TTC34: variants seen among roughly 807,000 people sequenced by gnomAD.
TTC34 encodes tetratricopeptide repeat domain 34, also known as tetratricopeptide repeat protein 34.
TTC34 carries 44 observed loss-of-function variants against 40.7 expected under a neutral mutation model. The ratio of observed to expected loss-of-function variants is 1.08; its 90% CI spans 0.85 to 1.39. The LOEUF is 1.39. Among genes scored for constraint, TTC34 ranks in the 40% most tolerant of loss-of-function variants. TTC34 has a pLI of 0.00. For missense variants in TTC34, 884 were observed against 838.0 expected (o/e 1.05, Z -0.68); for synonymous variants, 422 against 398.6 (o/e 1.06, Z -0.70).
Position 2,645,474 on chromosome 1 carries a change from G to A in TTC34, c.2316C>T (p.Ala772=). 6.5e-7 allele frequency: 1 copy of A among 1,533,356 alleles called. No individual in the cohort carries two copies. Among genetic ancestry groups the A allele is most frequent in the South Asian group, 1.2e-5 (1 of 83,694 alleles). The allele number at this position is 1,533,356 out of a possible 1,614,324, so 95.0% of individuals were successfully genotyped here. Residue 772 remains alanine, a synonymous_variant, in exon 7 of 9, where the codon GCC becomes GCT. Coordinates refer to ENST00000401095, the Ensembl canonical transcript of TTC34. The surrounding 1 kb of genome is among the most constrained non-coding windows in gnomAD (Gnocchi z 4.7). ...GGGAGTAGAGGCCCTGTGTGATGAG[G>A]GCCTGGGCTTCCGGCTTCAGAGAGC...
At chr1:2,790,784 C>CT (rs1294769849) in intron 2 of TTC34, among the ~76,000 whole-genome samples, 2 of 152,244 alleles carry the variant, frequency 1.3e-5, no homozygotes, top group African/African-American at 4.8e-5. Context: ...AGCTCCAACT[C>CT]TATGACCTTT....
At chr1:2,662,530 C>A in intron 6 of TTC34, among the ~76,000 whole-genome samples, 1 of 71,872 alleles carries the variant, frequency 1.4e-5, no homozygotes, top group Non-Finnish European at 3.5e-5. Flanking sequence ...CCAAGGTGAG[C>A]ATCTGACAAC....
intron 6 of TTC34, among the ~76,000 whole-genome samples, chr1:2,651,919 C>G (rs1490135594): frequency 6.6e-6 from 1 of 152,004 alleles, no homozygotes; most frequent in Non-Finnish European, 1.5e-5. Flanking sequence ...AGTTGGCACC[C>G]TGCACTCAGG....
At chr1:2,752,793 A>G (rs1641367318) in intron 6 of TTC34, among the ~76,000 whole-genome samples, 10 of 127,780 alleles carry the variant, frequency 7.8e-5, no homozygotes, top group African/African-American at 1.6e-4. Flanking sequence ...AGCATGTGAC[A>G]GCCTGGAACA....
intron 4 of TTC34, 31 bp downstream of exon 4, chr1:2,787,450 C>T: frequency 6.9e-7 from 1 of 1,446,894 alleles, no homozygotes; most frequent in Non-Finnish European, 9.1e-7. Context: ...CCATTTCCAC[C>T]TGCCCTCTGT....
At chr1:2,691,556 T>A (rs1640618466) in intron 6 of TTC34, among the ~76,000 whole-genome samples, 2 of 134,618 alleles carry the variant, frequency 1.5e-5, no homozygotes, top group South Asian at 4.6e-4. Flanking sequence ...CAGGTGAGCA[T>A]CTGACAGACT....
At chr1:2,657,479 C>T (rs530389527) in intron 6 of TTC34, among the ~76,000 whole-genome samples, 1 of 91,378 alleles carries the variant, frequency 1.1e-5, no homozygotes, top group Non-Finnish European at 2.8e-5. Flanking sequence ...GAGCATCTGA[C>T]CGAACGGAGC....
chr1:2,688,352 C>T (rs1640468174), intron 6 of TTC34, among the ~76,000 whole-genome samples: 1 of 149,632 alleles, frequency 6.7e-6, no homozygotes, highest in South Asian at 2.1e-4. Context: ...ATCGGACAGC[C>T]TGGAGCAGCA....
chr1:2,797,824 G>C (rs1159608530), intron 2 of TTC34, among the ~76,000 whole-genome samples: 2 of 152,122 alleles, frequency 1.3e-5, no homozygotes, highest in Non-Finnish European at 2.9e-5. Flanking sequence ...CCACAGTTCA[G>C]TTGCTCATCA....
intron 6 of TTC34, chr1:2,776,012 G>A (rs1311090683): frequency 8.3e-6 from 1 of 120,280 alleles, no homozygotes; most frequent in Non-Finnish European, 1.6e-5. Context: ...CACAAGGTGA[G>A]CATATGACAG....
chr1:2,686,723 C>T (rs796275675), intron 6 of TTC34, among the ~76,000 whole-genome samples: 9 of 84,476 alleles, frequency 1.1e-4, no homozygotes, highest in Non-Finnish European at 1.5e-4. Context: ...GCACACACAC[C>T]CCCAGGCGAG....
At chr1:2,757,283 G>C (rs1352604679) in intron 6 of TTC34, among the ~76,000 whole-genome samples, 3 of 100,640 alleles carry the variant, frequency 3.0e-5, no homozygotes, top group African/African-American at 4.9e-5. Context: ...AGGTGTGCAA[G>C]TGACAGCCTG....
At chr1:2,694,399 A>G (rs1640766701) in intron 6 of TTC34, among the ~76,000 whole-genome samples, 3 of 119,570 alleles carry the variant, frequency 2.5e-5, no homozygotes, top group African/African-American at 1.1e-4. Context: ...CTGCCAGGCG[A>G]GCATCCGCCA....
chr1:2,749,461 A>G (rs1261915993), intron 6 of TTC34, among the ~76,000 whole-genome samples: 3 of 106,764 alleles, frequency 2.8e-5, no homozygotes, highest in Admixed American at 9.4e-5. Context: ...TGAGCATCTG[A>G]CGGCCTGGAA....
intron 6 of TTC34, among the ~76,000 whole-genome samples, chr1:2,777,275 T>C (rs1643243960): frequency 1.0e-5 from 1 of 95,512 alleles, no homozygotes. Context: ...TCTGACAACC[T>C]GGAGCAGCAC....
intron 6 of TTC34, among the ~76,000 whole-genome samples, chr1:2,657,449 C>T (rs544731265): frequency 1.1e-5 from 1 of 89,800 alleles, no homozygotes; most frequent in East Asian, 2.5e-4. Flanking sequence ...ACTCATGGAG[C>T]AGCACCCACG....
intron 6 of TTC34, among the ~76,000 whole-genome samples, chr1:2,646,333 G>T (rs1639021448): frequency 6.6e-6 from 1 of 152,132 alleles, no homozygotes; most frequent in Non-Finnish European, 1.5e-5. Flanking sequence ...TGTTATCGTT[G>T]TCCTACACTG....
chr1:2,684,734 A>T (rs1007874275), intron 6 of TTC34, among the ~76,000 whole-genome samples: 1 of 118,622 alleles, frequency 8.4e-6, no homozygotes. Context: ...CGAGCATCCG[A>T]CAGCCTGGAA....
At chr1:2,684,489 A>T (rs1640227916) in intron 6 of TTC34, among the ~76,000 whole-genome samples, 1 of 148,462 alleles carries the variant, frequency 6.7e-6, no homozygotes, top group Non-Finnish European at 1.5e-5. Context: ...CCAGGCGAGC[A>T]TCTGATGGCC....
Sources: gnomAD v4.1 joint callset for allele counts (sites outside exome capture counted in the v4.1 genomes callset) on GRCh38, gnomAD v4.1.1 for gene constraint, Gnocchi (gnomAD v3.1) non-coding constraint, MANE v1.5 for transcripts, NCBI Gene and HGNC (gene_info 2026-07-23, HGNC 2026-07-21) for gene names.